Variants in RERE observed in about 807,000 individuals in gnomAD.
RERE encodes the protein arginine-glutamic acid dipeptide repeats protein.
RERE carries 40 observed loss-of-function variants against 146.1 expected under a neutral mutation model. The ratio of observed to expected loss-of-function variants is 0.27; its 90% confidence interval spans 0.21 to 0.36. RERE has a LOEUF of 0.36. RERE is among the 10% of genes least tolerant of loss of function. The pLI is 1.00. For synonymous variants in RERE, 1,003 were observed against 866.0 expected, an observed-to-expected ratio of 1.16 and a Z score of -2.78; for missense variants, 1,933 against 2,138.7, an observed-to-expected ratio of 0.90 and a Z score of 1.90.
chr1:8,722,845 T>C (rs1051246770), intron 1 of RERE, among the ~76,000 whole-genome samples: 1 of 152,142 alleles, frequency 6.6e-6, no homozygotes, highest in African/African-American at 2.4e-5. Flanking sequence ...TGTGTGTGGA[T>C]TTTGGTACCC....
intron 1 of RERE, among the ~76,000 whole-genome samples, chr1:8,811,085 G>A (rs78042297): frequency 3.3e-5 from 5 of 152,312 alleles, no homozygotes; most frequent in African/African-American, 4.8e-5. Context: ...GCCGCCAGGC[G>A]CAGTGGCTCA....
intron 1 of RERE, among the ~76,000 whole-genome samples, chr1:8,791,416 C>T (rs1216835977): frequency 6.6e-6 from 1 of 152,136 alleles, no homozygotes; most frequent in East Asian, 1.9e-4. Context: ...ACACATCTTA[C>T]TCATCTTTAT....
intron 12 of RERE, among the ~76,000 whole-genome samples, chr1:8,410,175 C>T (rs1643573340): frequency 6.6e-6 from 1 of 152,030 alleles, no homozygotes; most frequent in South Asian, 2.1e-4. Flanking sequence ...TACCTGCCTG[C>T]CTGCTGGGTA....
intron 4 of RERE, among the ~76,000 whole-genome samples, chr1:8,587,113 C>T (rs1646436373): frequency 6.6e-6 from 1 of 152,200 alleles, no homozygotes; most frequent in Non-Finnish European, 1.5e-5. Context: ...CCTCATTTCC[C>T]TCCTCTTTCA....
intron 1 of RERE, among the ~76,000 whole-genome samples, chr1:8,728,915 C>T (rs147090124): frequency 0.046 from 7,075 of 152,196 alleles, 538 homozygotes; most frequent in African/African-American, 0.16. Flanking sequence ...GCCTGTAATC[C>T]CAGCACTTTG....
intron 2 of RERE, among the ~76,000 whole-genome samples, chr1:8,652,708 T>C (rs1647687926): frequency 6.6e-6 from 1 of 152,216 alleles, no homozygotes; most frequent in Non-Finnish European, 1.5e-5. Context: ...TCACTCACTA[T>C]CATAAGAACA....
At chr1:8,732,705 C>A (rs1445683538) in intron 1 of RERE, among the ~76,000 whole-genome samples, 2 of 151,742 alleles carry the variant, frequency 1.3e-5, no homozygotes, top group East Asian at 3.9e-4. Context: ...ACAGATAAGC[C>A]ACACTCATGC....
chr1:8,474,326 C>A (rs1271713796), intron 10 of RERE, among the ~76,000 whole-genome samples: 1 of 152,164 alleles, frequency 6.6e-6, no homozygotes, highest in East Asian at 1.9e-4. Flanking sequence ...GTATGTTGCA[C>A]AGAGAGGTGA....
chr1:8,543,759 A>G (rs1316036991), intron 6 of RERE, among the ~76,000 whole-genome samples: 2 of 152,224 alleles, frequency 1.3e-5, no homozygotes, highest in Non-Finnish European at 2.9e-5. Context: ...AAGACTTGCC[A>G]AATGTCTCCT....
chr1:8,716,299 C>CATA (rs1639764000), intron 1 of RERE, among the ~76,000 whole-genome samples: 1 of 109,590 alleles, frequency 9.1e-6, no homozygotes, highest in African/African-American at 3.4e-5. Context: ...CTCATCTCTA[C>CATA]AAAAAAAAAA....
At chr1:8,526,233 A>T (rs866569446) in intron 7 of RERE, among the ~76,000 whole-genome samples, 1 of 152,064 alleles carries the variant, frequency 6.6e-6, no homozygotes, top group South Asian at 2.1e-4. Flanking sequence ...CAGCAAGCCA[A>T]GCCACGGAGG....
chr1:8,705,062 T>C (rs1315445536), intron 1 of RERE, among the ~76,000 whole-genome samples: 1 of 152,220 alleles, frequency 6.6e-6, no homozygotes, highest in African/African-American at 2.4e-5. Flanking sequence ...ACACTTCCAA[T>C]TTTCTAACCA....
Position 8,718,065 on chromosome 1 carries a change from C to CA in RERE, c.-144-61625dup, listed in dbSNP as rs1228219810. Among the ~76,000 whole-genome samples, 4 of 152,150 alleles carry CA rather than the reference C, an allele frequency of 2.6e-5. No individual in the cohort carries two copies. The East Asian group carries it at 7.7e-4, about 29-fold the overall frequency. On this transcript the variant is annotated intron_variant, in intron 1 of 22. Transcript: ENST00000400908. ...GTTAAGAGTGGTTAACACACAAGAC[C>CA]ATAAGTGCATGCAATTTCAAGTCAG... is the stretch of plus-strand genomic sequence containing the variant.
chr1:8,508,094 A>G (rs1223651702), intron 8 of RERE, among the ~76,000 whole-genome samples: 2 of 152,214 alleles, frequency 1.3e-5, no homozygotes, highest in Admixed American at 1.3e-4. Flanking sequence ...GGATGAATAG[A>G]TAAACAGTGA....
At chr1:8,660,338 A>C (rs561286070) in intron 1 of RERE, among the ~76,000 whole-genome samples, 3 of 152,306 alleles carry the variant, frequency 2.0e-5, no homozygotes, top group African/African-American at 7.2e-5. Context: ...GATGGCACTG[A>C]GAAGGAGAGT....
chr1:8,736,852 A>G (rs61784168), intron 1 of RERE, among the ~76,000 whole-genome samples: 907 of 23,156 alleles, frequency 0.039, 13 homozygotes, highest in Admixed American at 0.18. Flanking sequence ...AGCAAGGGGG[A>G]AAAAAAAAAA....
intron 11 of RERE, among the ~76,000 whole-genome samples, chr1:8,438,267 G>A (rs1008260213): frequency 4.8e-5 from 1 of 20,804 alleles, no homozygotes; most frequent in Non-Finnish European, 7.6e-5. Flanking sequence ...TTGGGATTAT[G>A]GCATGAGCCA....
intron 1 of RERE, among the ~76,000 whole-genome samples, chr1:8,702,854 C>A (rs569457305): frequency 2.6e-4 from 40 of 152,250 alleles, no homozygotes; most frequent in African/African-American, 8.7e-4. Context: ...GTGAGCCCAA[C>A]AGAAATGCAA....
chr1:8,782,528 C>CT, intron 1 of RERE, among the ~76,000 whole-genome samples: 1 of 152,222 alleles, frequency 6.6e-6, no homozygotes, highest in South Asian at 2.1e-4. Flanking sequence ...CACATGAATT[C>CT]CAGACTCTTA....
Sources: allele counts gnomAD v4.1 joint callset (sites outside exome capture counted in the v4.1 genomes callset), GRCh38; gene constraint gnomAD v4.1.1; transcripts MANE v1.5; gene names NCBI Gene and HGNC (gene_info 2026-07-23, HGNC 2026-07-21).